TMEM120B: variants seen among roughly 807,000 people sequenced by gnomAD.
The protein encoded by TMEM120B is transmembrane protein 120B.
A neutral mutation model predicts 55.5 loss-of-function variants in TMEM120B; 31 were observed. That is an observed-to-expected ratio of 0.56 (90% CI 0.42 to 0.75). The LOEUF (loss-of-function observed/expected upper bound fraction) is 0.75, where lower values mean the gene tolerates loss of function less well. TMEM120B is among the 30% of genes least tolerant of loss of function. The pLI, the probability that TMEM120B is intolerant of heterozygous loss-of-function variation, is 0.00. For missense variants in TMEM120B, 399 were observed against 425.5 expected (o/e 0.94, Z 0.55); for synonymous variants, 203 against 176.3 (o/e 1.15, Z -1.20).
At position 121,777,225 on chromosome 12, in the gene TMEM120B, C is replaced by A. The variant is rs1308685426; in HGVS notation, c.*1503C>A. 6.6e-6 allele frequency: 1 copy of A among 152,040 alleles called. No individual in the cohort carries two copies. Among genetic ancestry groups the A allele is most frequent in the Non-Finnish European group, 1.5e-5 (1 of 68,056 alleles). 9.4% of individuals were successfully genotyped at this position (152,040 alleles called of 1,614,324 possible). ...GACCTTGTGATCTGCCTGCCTCAGC[C>A]TCCCAAAGTGCTGGGATTACAGGTG... On this transcript the variant is annotated 3_prime_UTR_variant, in exon 12 of 12. Coordinates refer to ENST00000449592, the MANE Select transcript of TMEM120B (RefSeq NM_001080825.2).
At chr12:121,768,247 T>C (rs943439300) in intron 6 of TMEM120B, among the ~76,000 whole-genome samples, 5 of 152,228 alleles carry the variant, frequency 3.3e-5, no homozygotes, top group Admixed American at 2.6e-4. Flanking sequence ...GGCATCCAGA[T>C]TAGCTGCTGC....
chr12:121,752,310 C>A, intron 5 of TMEM120B, 87 bp downstream of exon 5: 1 of 1,119,608 alleles, frequency 8.9e-7, no homozygotes, highest in Non-Finnish European at 1.3e-6. Flanking sequence ...GACCCGGAGC[C>A]TCTCCTGCTT....
At chr12:121,719,028 C>T (rs1481723190) in intron 1 of TMEM120B, among the ~76,000 whole-genome samples, 1 of 152,108 alleles carries the variant, frequency 6.6e-6, no homozygotes, top group Non-Finnish European at 1.5e-5. Context: ...TCCTTTCCCC[C>T]TGTGGTTTCA....
At position 121,775,033 on chromosome 12, in the gene TMEM120B, G is replaced by A. The variant is rs1394238854; in HGVS notation, c.838-29G>A. On this transcript the variant is annotated intron_variant, in intron 10 of 11. Coordinates refer to ENST00000449592, the MANE Select transcript of TMEM120B (RefSeq NM_001080825.2). The surrounding 1 kb of genome is among the most constrained non-coding windows in gnomAD (Gnocchi z 4.3). ...ACGTGGCCGGCCAGGGGAGTCTGGT[G>A]GGTGAGCAGCGCCTGCCTTCCTCTC... 7 of 1,612,506 alleles carry A rather than the reference G, an allele frequency of 4.3e-6. No individual in the cohort carries two copies. In the African/African-American group the frequency reaches 5.3e-5, roughly 12 times the overall value.
intron 1 of TMEM120B, among the ~76,000 whole-genome samples, chr12:121,733,893 A>G (rs892477503): frequency 2.6e-5 from 4 of 152,226 alleles, no homozygotes; most frequent in African/African-American, 9.6e-5. Context: ...GAGAAAAGCA[A>G]GTTATGGAAT....
At position 121,778,716 on chromosome 12, in the gene TMEM120B, A is replaced by G. The variant is rs3741590; in HGVS notation, c.*2994A>G. On this transcript the variant is annotated 3_prime_UTR_variant, in exon 12 of 12. Transcript: ENST00000449592. The stretch of plus-strand genomic sequence containing the variant: ...GGACTAAGTGGGCCAGTCCTGTCCT[A>G]CCACAGTGGGGGGAACAGTCCACAG... 28,195 of 152,110 alleles carry G rather than the reference A, an allele frequency of 0.19. 4,070 individuals are homozygous for G. Among genetic ancestry groups the G allele is most frequent in the African/African-American group, 0.39 (16,307 of 41,428 alleles). 9.4% of individuals were successfully genotyped at this position (152,110 alleles called of 1,614,324 possible). A position where few individuals can be genotyped will look rare whatever the true frequency, so the allele number is the denominator to read the frequency against.
At chr12:121,715,120 A>T (rs1481396561) in intron 1 of TMEM120B, among the ~76,000 whole-genome samples, 1 of 152,020 alleles carries the variant, frequency 6.6e-6, no homozygotes, top group African/African-American at 2.4e-5. Context: ...GGTGGATCAC[A>T]AGGTTTGGAG....
At chr12:121,738,551 T>C (rs1872822305) in intron 1 of TMEM120B, among the ~76,000 whole-genome samples, 1 of 152,168 alleles carries the variant, frequency 6.6e-6, no homozygotes, top group African/African-American at 2.4e-5. Context: ...CCTCCTTGTC[T>C]GGGTTCATTA....
intron 6 of TMEM120B, among the ~76,000 whole-genome samples, chr12:121,762,989 G>A (rs1873728344): frequency 6.6e-6 from 1 of 152,014 alleles, no homozygotes; most frequent in Admixed American, 6.6e-5. Flanking sequence ...ATCTCTGAAG[G>A]GCTCTGAGTG....
intron 1 of TMEM120B, among the ~76,000 whole-genome samples, chr12:121,741,150 G>C (rs2137114559): frequency 6.6e-6 from 1 of 152,078 alleles, no homozygotes; most frequent in African/African-American, 2.4e-5. Context: ...GCCAGACTTG[G>C]CCTGCGGCGG....
intron 1 of TMEM120B, among the ~76,000 whole-genome samples, chr12:121,718,206 G>C (rs539802225): frequency 2.6e-5 from 4 of 152,194 alleles, no homozygotes; most frequent in Non-Finnish European, 5.9e-5. Context: ...CCCATGGCCT[G>C]GCGCAGTGGC....
At chr12:121,731,665 G>A (rs1895006220) in intron 1 of TMEM120B, among the ~76,000 whole-genome samples, 1 of 152,172 alleles carries the variant, frequency 6.6e-6, no homozygotes, top group Non-Finnish European at 1.5e-5. Flanking sequence ...CGTAATGACG[G>A]CATCGCCTAA....
At chr12:121,744,699 C>T (rs187384236) in intron 2 of TMEM120B, among the ~76,000 whole-genome samples, 1 of 152,314 alleles carries the variant, frequency 6.6e-6, no homozygotes, top group Non-Finnish European at 1.5e-5. Context: ...CATTGTCAGG[C>T]AGGGAAACTG....
intron 6 of TMEM120B, among the ~76,000 whole-genome samples, chr12:121,768,063 C>A (rs916975077): frequency 6.6e-6 from 1 of 152,170 alleles, no homozygotes; most frequent in Non-Finnish European, 1.5e-5. Context: ...TGGCCAACTG[C>A]CTTTGCTGTC....
chr12:121,768,093 G>C (rs1055405410), intron 6 of TMEM120B, among the ~76,000 whole-genome samples: 4 of 152,198 alleles, frequency 2.6e-5, no homozygotes, highest in African/African-American at 9.7e-5. Flanking sequence ...GAGCCCAGGG[G>C]CTTCTTAGAC....
intron 6 of TMEM120B, among the ~76,000 whole-genome samples, chr12:121,770,360 T>C (rs533001801): frequency 2.6e-4 from 39 of 152,068 alleles, no homozygotes; most frequent in Non-Finnish European, 5.0e-4. Context: ...TTGTTTTACC[T>C]CAGTCCCCTC....
chr12:121,775,813 C>T lies in TMEM120B; in HGVS notation c.*91C>T. On this transcript the variant is annotated 3_prime_UTR_variant, in exon 12 of 12. Transcript: ENST00000449592. This position sits in a 1 kb window ranked among gnomAD's most constrained non-coding sequence, Gnocchi z 4.3. ...CAGCCCTCTCAGGCCCGTGGCATCGCTGGGAGAGGGCCCAGGCCCTGGTCC... is the reference window on the plus strand; with the variant it reads ...CAGCCCTCTCAGGCCCGTGGCATCGTTGGGAGAGGGCCCAGGCCCTGGTCC... 1.4e-6 allele frequency: 2 copies of T among 1,387,712 alleles called. No homozygotes were observed. Among genetic ancestry groups the T allele is most frequent in the Non-Finnish European group, 2.0e-6 (2 of 995,340 alleles). 86.0% of individuals were successfully genotyped at this position (1,387,712 alleles called of 1,614,324 possible).
At chr12:121,735,205 A>C (rs949849748) in intron 1 of TMEM120B, among the ~76,000 whole-genome samples, 4 of 151,274 alleles carry the variant, frequency 2.6e-5, no homozygotes, top group Admixed American at 6.6e-5. Flanking sequence ...AAAAAACAAA[A>C]AAAAAAACCC....
chr12:121,762,513 C>G (rs2669161), intron 6 of TMEM120B, among the ~76,000 whole-genome samples: 27,895 of 152,108 alleles, frequency 0.18, 2,886 homozygotes, highest in South Asian at 0.31. Flanking sequence ...GGATCATGTA[C>G]CTATCCCTGA....
Sources: gnomAD v4.1 joint callset for allele counts (sites outside exome capture counted in the v4.1 genomes callset) on GRCh38, gnomAD v4.1.1 for gene constraint, Gnocchi (gnomAD v3.1) non-coding constraint, MANE v1.5 for transcripts, NCBI Gene and HGNC (gene_info 2026-07-23, HGNC 2026-07-21) for gene names.